MYBBP1A: variants seen among roughly 807,000 people sequenced by gnomAD.
MYBBP1A encodes the protein myb-binding protein 1A.
In MYBBP1A, 147 loss-of-function variants were observed where a neutral mutation model predicts 136.3. The observed-to-expected ratio is 1.08, with a 90% CI of 0.94 to 1.24. The LOEUF (loss-of-function observed/expected upper bound fraction) is 1.24, where lower values mean the gene tolerates loss of function less well. Ranked by LOEUF, MYBBP1A falls within the 50% of genes most tolerant of loss-of-function variation. The pLI is 0.00. For synonymous variants in MYBBP1A, 947 were observed against 735.8 expected (o/e 1.29, Z -4.65); for missense variants, 2,060 against 1,727.4 (o/e 1.19, Z -3.41).
At chr17:4,553,040 T>C (rs548294018) in intron 5 of MYBBP1A, among the ~76,000 whole-genome samples, 1 of 152,182 alleles carries the variant, frequency 6.6e-6, no homozygotes, top group African/African-American at 2.4e-5. Flanking sequence ...CAGGCTGGTC[T>C]TGAACTCCTG....
At position 4,542,895 on chromosome 17, in the gene MYBBP1A, G is replaced by T; in HGVS notation, c.2892+18C>A. On this transcript the variant is annotated intron_variant, in intron 20 of 25. Coordinates refer to ENST00000254718, the MANE Select transcript of MYBBP1A (RefSeq NM_014520.4). ...CTGTGAAATGCCTGGGGCTGCTCCT[G>T]GGCCAGGCCCTGCTCACCTGCGGGC... 1 of 1,612,946 alleles carries T rather than the reference G, an allele frequency of 6.2e-7. No homozygotes were observed. Among genetic ancestry groups the T allele is most frequent in the Non-Finnish European group, 8.5e-7 (1 of 1,179,460 alleles).
intron 10 of MYBBP1A, 67 bp downstream of exon 10, chr17:4,549,262 GGAC>G: frequency 7.3e-7 from 1 of 1,369,258 alleles, no homozygotes. Context: ...ATGCAAACTA[GGAC>G]GAGTTAAGGG....
rs764318002 is a variant in MYBBP1A at position 4,543,066 on chromosome 17, G to A, written c.2739C>T (p.Arg913=). ...QVERLVQQAG[R]QPDSPTALYH... ...AGAGGGCGGTGGGGGAGTCGGGCTG[G>A]CGGCCAGCCTGCTGCACCAACCGCT... is the stretch of plus-strand genomic sequence containing the variant. The change falls in exon 20 of 26, where the codon CGC becomes CGT. Residue 913 remains arginine, a synonymous_variant. Coordinates refer to ENST00000254718, the MANE Select transcript of MYBBP1A (RefSeq NM_014520.4). 8 of 1,613,178 alleles carry A rather than the reference G, an allele frequency of 5.0e-6. No homozygotes were observed. The African/African-American group carries it at 9.3e-5, about 19-fold the overall frequency.
rs536135507 is a variant in MYBBP1A at position 4,554,670 on chromosome 17, G to A, written c.294+191C>T. Reference sequence around the variant, plus strand: ...ACCCAAGCACCAAATAGAAAACCTGGCCAGGCCTTGCTCACACCTTCTCCA... The same window carrying A: ...ACCCAAGCACCAAATAGAAAACCTGACCAGGCCTTGCTCACACCTTCTCCA... On this transcript the variant is annotated intron_variant, in intron 2 of 25. Transcript: ENST00000254718. Among the ~76,000 whole-genome samples the A allele has an allele frequency of 4.5e-4, 68 of 152,274 alleles. 1 individual carries two copies. Among genetic ancestry groups the A allele is most frequent in the African/African-American group, 1.2e-3 (49 of 41,558 alleles).
rs770634004 is a variant in MYBBP1A, at chr17:4,552,212, C to A, written c.818G>T (p.Arg273Leu). 2.5e-6 allele frequency: 4 copies of A among 1,614,224 alleles called. No individual in the cohort carries two copies. The highest frequency in any genetic ancestry group is 2.2e-5 in the South Asian group (2 of 91,090). Residue 273 changes from arginine to leucine, a missense_variant, in exon 7 of 26, where the codon CGC (arginine) becomes CTC (leucine). Transcript: ENST00000254718. The surrounding 1 kb of genome is among the most constrained non-coding windows in gnomAD (Gnocchi z 4.7). ...GAACTTGTCTTCCTTGAGTGCCAGGCGGAGCAGGTCCAGAGCAATGGCGGG... is the reference window on the plus strand; with the variant it reads ...GAACTTGTCTTCCTTGAGTGCCAGGAGGAGCAGGTCCAGAGCAATGGCGGG... ...KLPAIALDLL[R>L]LALKEDKFPR...
Position 4,545,039 on chromosome 17 carries a change from G to T in MYBBP1A, c.2297C>A (p.Ala766Asp). 9.1e-7 allele frequency: 1 copy of T among 1,098,862 alleles called. No individual in the cohort carries two copies. Among genetic ancestry groups the T allele is most frequent in the Non-Finnish European group, 1.1e-6 (1 of 891,868 alleles). 68.1% of individuals were successfully genotyped at this position (1,098,862 alleles called of 1,614,324 possible). A position where few individuals can be genotyped will look rare whatever the true frequency, so the allele number is the denominator to read the frequency against. ...TCCCCCACTCACCAGCGCCTTCCCAGCCTGCAGCACGGTCATCAGCTGTTC... is the reference window on the plus strand; with the variant it reads ...TCCCCCACTCACCAGCGCCTTCCCATCCTGCAGCACGGTCATCAGCTGTTC... Reference protein sequence around the residue: ...FREQLMTVLQAGKALGGEDSE... With the variant: ...FREQLMTVLQDGKALGGEDSE... The change falls in exon 17 of 26, where the codon GCT becomes GAT. Residue 766 changes from alanine (A) to aspartate (D), a missense_variant. Ala to Asp is a moderately radical substitution (Grantham distance 126, BLOSUM62 -2). Coordinates refer to ENST00000254718, the MANE Select transcript of MYBBP1A (RefSeq NM_014520.4).
chr17:4,542,653 G>A lies in MYBBP1A; in HGVS notation c.2981C>T (p.Thr994Ile), dbSNP rs776260379. The A allele has an allele frequency of 1.2e-6, 2 of 1,614,040 alleles. No homozygotes were observed. The highest frequency in any genetic ancestry group is 2.2e-5 in the South Asian group (2 of 91,088). Residue 994 changes from threonine (T) to isoleucine (I), a missense_variant, in exon 21 of 26, where the codon ACA becomes ATA. Transcript: ENST00000254718. ...SFLTKRNSPL[T>I]VPMFLSLFSR... is the part of the protein sequence containing the mutation. The stretch of plus-strand genomic sequence containing the variant: ...GAAGAGGCTGAGGAACATGGGAACT[G>A]TGAGGGGGCTGTTGCGCTTGGTCAG...
At chr17:4,540,273 C>CGTGT (rs143093770) in intron 25 of MYBBP1A, 75 bp downstream of exon 25, 7 of 1,471,984 alleles carry the variant, frequency 4.8e-6, no homozygotes, top group East Asian at 2.3e-5. Flanking sequence ...GTGTGTGCAG[C>CGTGT]GTGTGTGTGT....
intron 2 of MYBBP1A, 111 bp downstream of exon 2, chr17:4,554,750 A>G: frequency 9.6e-7 from 1 of 1,043,674 alleles, no homozygotes; most frequent in Non-Finnish European, 1.4e-6. Context: ...GCCACTCCCG[A>G]CCTCTCTCTC....
intron 8 of MYBBP1A, among the ~76,000 whole-genome samples, chr17:4,550,944 T>G (rs1907457745): frequency 6.6e-6 from 1 of 152,232 alleles, no homozygotes. Context: ...AGAGGTAACT[T>G]CTCAGGGTCA....
intron 9 of MYBBP1A, 75 bp downstream of exon 9, chr17:4,549,983 G>T: frequency 6.7e-7 from 1 of 1,501,148 alleles, no homozygotes; most frequent in Non-Finnish European, 9.0e-7. Flanking sequence ...GTGGAGGGCG[G>T]GCTTGGGTCG....
chr17:4,540,155 AGGCTCCTGCG>A (rs1906245869), intron 25 of MYBBP1A, among the ~76,000 whole-genome samples, 183 bp downstream of exon 25: 3 of 73,208 alleles, frequency 4.1e-5, no homozygotes, highest in African/African-American at 9.0e-5. Context: ...GGGTCCTGCG[AGGCTCCTGCG>A]AGGGTCCTGT....
rs938393482 is a variant in MYBBP1A, at chr17:4,552,525, G to C, written c.663C>G (p.Ala221=). ...TGAGCTTGGAGGGCACCTTCTGCTG[G>C]GCCAGGAGGAAGAGCTCTAGCTGTT... ...SPEQLELFLL[A]QQKVPSKLKK... Residue 221 remains alanine, a synonymous_variant, in exon 6 of 26, where the codon GCC becomes GCG. Transcript: ENST00000254718. The surrounding 1 kb of genome is among the most constrained non-coding windows in gnomAD (Gnocchi z 4.7). The C allele has an allele frequency of 2.5e-6, 4 of 1,613,980 alleles. No individual in the cohort carries two copies. The East Asian group carries it at 8.9e-5, about 36-fold the overall frequency.
intron 16 of MYBBP1A, 21 bp downstream of exon 16, chr17:4,545,238 C>G: frequency 6.2e-7 from 1 of 1,612,980 alleles, no homozygotes; most frequent in Non-Finnish European, 8.5e-7. Flanking sequence ...ACCGCCCCCG[C>G]CCGGCCCATG....
At chr17:4,544,274 G>A (rs1183796973) in intron 19 of MYBBP1A, among the ~76,000 whole-genome samples, 11 of 152,130 alleles carry the variant, frequency 7.2e-5, no homozygotes, top group African/African-American at 2.4e-4. Flanking sequence ...GGGCACTGTT[G>A]GCACTGTGTC....
intron 19 of MYBBP1A, among the ~76,000 whole-genome samples, chr17:4,543,718 T>C (rs1156962046): frequency 1.3e-5 from 2 of 151,702 alleles, no homozygotes; most frequent in Admixed American, 1.3e-4. Context: ...CTCCCAGGCC[T>C]TCACCTCCCC....
chr17:4,551,802 G>A lies in MYBBP1A; in HGVS notation c.1023+78C>T. On this transcript the variant is annotated intron_variant, in intron 8 of 25. Transcript: ENST00000254718. Reference sequence around the variant, plus strand: ...ATAGCTCTAGCCAAGCCCCCGAGGTGCCCTGCTCCCCTTTTTGGCAGGGAG... The same window carrying A: ...ATAGCTCTAGCCAAGCCCCCGAGGTACCCTGCTCCCCTTTTTGGCAGGGAG... 5 of 1,307,482 alleles carry A rather than the reference G, an allele frequency of 3.8e-6. No homozygotes were observed. In the South Asian group the frequency reaches 6.1e-5, roughly 16 times the overall value. The allele number at this position is 1,307,482 out of a possible 1,614,324, so 81.0% of individuals were successfully genotyped here.
In MYBBP1A at chr17:4,545,301, C is replaced by A. The variant is rs539278203; in HGVS notation, c.2118G>T (p.Val706=). ...ETSEDENDRV[V]VTDDSDERRL... ...GCCGCTCATCAGAATCGTCCGTCAC[C>A]ACCACACGGTCATTCTCATCCTCAC... Residue 706 remains valine, a synonymous_variant, in exon 16 of 26, where the codon GTG becomes GTT. Coordinates refer to ENST00000254718, the MANE Select transcript of MYBBP1A (RefSeq NM_014520.4). The A allele has an allele frequency of 6.6e-5, 106 of 1,613,404 alleles. 1 individual carries two copies. In the South Asian group the frequency reaches 1.0e-3, roughly 16 times the overall value.
In MYBBP1A at chr17:4,544,837, C is replaced by A. The variant is rs375123037; in HGVS notation, c.2395G>T (p.Glu799Ter). Residue 799 changes from glutamate to a stop codon, truncating the protein, a stop_gained, in exon 18 of 26, where the codon GAG (glutamate) becomes TAG (stop). Coordinates refer to ENST00000254718, the MANE Select transcript of MYBBP1A (RefSeq NM_014520.4). LOFTEE classifies it high-confidence loss of function. The stretch of plus-strand genomic sequence containing the variant: ...CGGGCCTGGATACGCAGCTTCTGCT[C>A]GGCAAAGAGGCTGGCGAGGCTCTGG... ...LDQSLASLFA[E>*]QKLRIQARRD... 6.2e-7 allele frequency: 1 copy of A among 1,607,964 alleles called. No homozygotes were observed. Among genetic ancestry groups the A allele is most frequent in the East Asian group, 2.2e-5 (1 of 44,632 alleles).
Sources: allele counts gnomAD v4.1 joint callset (sites outside exome capture counted in the v4.1 genomes callset), GRCh38; gene constraint gnomAD v4.1.1; non-coding constraint Gnocchi (gnomAD v3.1); transcripts MANE v1.5; gene names NCBI Gene and HGNC (gene_info 2026-07-23, HGNC 2026-07-21).